MAP2K5: variants seen among roughly 807,000 people sequenced by gnomAD.
MAP2K5 encodes dual specificity mitogen-activated protein kinase kinase 5.
A neutral mutation model predicts 83.1 loss-of-function variants in MAP2K5; 49 were observed. The ratio of observed to expected loss-of-function variants is 0.59; its 90% CI spans 0.47 to 0.75. The LOEUF (loss-of-function observed/expected upper bound fraction) is 0.75, where lower values mean the gene tolerates loss of function less well. MAP2K5 is among the 30% of genes least tolerant of loss of function. The pLI is 0.00. For missense variants in MAP2K5, 457 were observed against 557.5 expected (o/e 0.82, Z 1.82); for synonymous variants, 202 against 191.8 (o/e 1.05, Z -0.44).
In MAP2K5 at chr15:67,748,329, TGCC is replaced by T. The variant is rs2089648698; in HGVS notation, c.1101+73_1101+75del. ...TGGCTGCTTCCTTTGCATGCTTGAA[TGCC>T]TTGTTTTAAACTTAGCAAATTGCAT... On this transcript the variant is annotated intron_variant, in intron 18 of 21. Transcript: ENST00000178640. This position sits in a 1 kb window ranked among gnomAD's most constrained non-coding sequence, Gnocchi z 4.0. 1.8e-5 allele frequency: 24 copies of T among 1,314,070 alleles called. No individual in the cohort carries two copies. In the South Asian group the frequency reaches 2.9e-4, roughly 16 times the overall value. 81.4% of individuals were successfully genotyped at this position (1,314,070 alleles called of 1,614,324 possible).
chr15:67,628,717 G>A (rs1417358799), intron 8 of MAP2K5: 10 of 797,170 alleles, frequency 1.3e-5, no homozygotes, highest in African/African-American at 8.4e-5. Flanking sequence ...CCCTGTTAAA[G>A]CAAGAGATGG....
intron 11 of MAP2K5, among the ~76,000 whole-genome samples, chr15:67,648,846 T>C (rs2086894060): frequency 6.6e-6 from 1 of 152,210 alleles, no homozygotes; most frequent in African/African-American, 2.4e-5. Context: ...CCCGAGGTGC[T>C]GGGATTACAG....
At chr15:67,621,515 A>C (rs796852195) in intron 8 of MAP2K5, among the ~76,000 whole-genome samples, 6 of 152,078 alleles carry the variant, frequency 3.9e-5, no homozygotes, top group African/African-American at 1.2e-4. Flanking sequence ...GGTTCTTTGG[A>C]AAAACTTAAT....
At position 67,783,584 on chromosome 15, in the gene MAP2K5, C is replaced by T. The variant is rs1316921373; in HGVS notation, c.1242+10832C>T. On this transcript the variant is annotated intron_variant, in intron 21 of 21. Coordinates refer to ENST00000178640, the MANE Select transcript of MAP2K5 (RefSeq NM_145160.3). This position sits in a 1 kb window ranked among gnomAD's most constrained non-coding sequence, Gnocchi z 5.1. ...AATACTTCTGTTAGTGCACTCGTCA[C>T]GCTTTGTGGCAGTAACTTGTGGTAA... is the stretch of plus-strand genomic sequence containing the variant. Among the ~76,000 whole-genome samples, 2 of 152,190 alleles carry T rather than the reference C, an allele frequency of 1.3e-5. No individual in the cohort carries two copies. The highest frequency in any genetic ancestry group is 1.3e-4 in the Admixed American group (2 of 15,278).
In MAP2K5 at chr15:67,693,543, A is replaced by G; in HGVS notation, c.947A>G (p.Tyr316Cys). 1 of 1,612,178 alleles carries G rather than the reference A, an allele frequency of 6.2e-7. No homozygotes were observed. The highest frequency in any genetic ancestry group is 1.3e-5 in the African/African-American group (1 of 74,984). Residue 316 changes from tyrosine to cysteine, a missense_variant, in exon 15 of 22, where the codon TAT (tyrosine) becomes TGT (cysteine). Transcript: ENST00000178640. ...TQLVNSIAKT[Y>C]VGTNAYMAPE... is the part of the protein sequence containing the mutation. ...CTGGTGAATTCTATAGCCAAGACGT[A>G]TGTTGGAACAAATGCTTATATGGCG...
chr15:67,614,523 T>C (rs1479141016), intron 8 of MAP2K5, among the ~76,000 whole-genome samples: 1 of 152,210 alleles, frequency 6.6e-6, no homozygotes, highest in South Asian at 2.1e-4. Context: ...TCCAGTTCTT[T>C]CATTCCTTCT....
rs559289229 is a variant in MAP2K5 at position 67,557,992 on chromosome 15, G to T, written c.185-5291G>T. 2.0e-5 allele frequency among the ~76,000 whole-genome samples: 3 copies of T among 152,268 alleles called. No individual in the cohort carries two copies. The East Asian group carries it at 5.8e-4, about 29-fold the overall frequency. ...GAGTTAATTATGCATCCTAGAATTTGGGGCAAAATAAGAGAGCTTTAATTT... is the reference window on the plus strand; with the variant it reads ...GAGTTAATTATGCATCCTAGAATTTTGGGCAAAATAAGAGAGCTTTAATTT... On this transcript the variant is annotated intron_variant, in intron 2 of 21. Transcript: ENST00000178640.
In MAP2K5 at chr15:67,755,090, T is replaced by G. The variant is rs2089806474; in HGVS notation, c.1134+6489T>G. On this transcript the variant is annotated intron_variant, in intron 19 of 21. Transcript: ENST00000178640. This position sits in a 1 kb window ranked among gnomAD's most constrained non-coding sequence, Gnocchi z 4.7. ...CCTGGGTTCATGCAATCCTCCCACC[T>G]CAGCCTCCCAAGTAACTAGGATTAC... is the stretch of plus-strand genomic sequence containing the variant. Among the ~76,000 whole-genome samples, 1 of 152,136 alleles carries G rather than the reference T, an allele frequency of 6.6e-6. No homozygotes were observed. The highest frequency in any genetic ancestry group is 1.5e-5 in the Non-Finnish European group (1 of 68,008).
At chr15:67,634,891 G>A (rs1430703625) in intron 9 of MAP2K5, among the ~76,000 whole-genome samples, 1 of 152,008 alleles carries the variant, frequency 6.6e-6, no homozygotes, top group Non-Finnish European at 1.5e-5. Context: ...AGAGTATTGA[G>A]ACTATTTACA....
rs2089692272 is a variant in MAP2K5, at chr15:67,750,413, A to G, written c.1134+1812A>G. On this transcript the variant is annotated intron_variant, in intron 19 of 21. Coordinates refer to ENST00000178640, the MANE Select transcript of MAP2K5 (RefSeq NM_145160.3). This position sits in a 1 kb window ranked among gnomAD's most constrained non-coding sequence, Gnocchi z 4.2. ...GGCCAGATGACCTGCCTTAGACAAGATGAATCATAGCATCTCGGAAAGGAA... is the reference window on the plus strand; with the variant it reads ...GGCCAGATGACCTGCCTTAGACAAGGTGAATCATAGCATCTCGGAAAGGAA... Among the ~76,000 whole-genome samples the G allele has an allele frequency of 6.6e-6, 1 of 152,224 alleles. No individual in the cohort carries two copies. Among genetic ancestry groups the G allele is most frequent in the African/African-American group, 2.4e-5 (1 of 41,460 alleles).
At chr15:67,589,339 C>T (rs1041179564) in intron 6 of MAP2K5, among the ~76,000 whole-genome samples, 4 of 152,190 alleles carry the variant, frequency 2.6e-5, no homozygotes, top group Non-Finnish European at 5.9e-5. Context: ...CTATTACTCT[C>T]AAAGCATGGG....
chr15:67,557,864 A>G (rs1317702883), intron 2 of MAP2K5, among the ~76,000 whole-genome samples: 3 of 152,230 alleles, frequency 2.0e-5, no homozygotes, highest in South Asian at 2.1e-4. Context: ...AAACTATTGT[A>G]TATGTAAAAA....
Position 67,550,138 on chromosome 15 carries a change from G to A in MAP2K5, c.184+56G>A, listed in dbSNP as rs1428628957. 1.0e-5 allele frequency: 14 copies of A among 1,369,612 alleles called. No individual in the cohort carries two copies. In the East Asian group the frequency reaches 3.2e-4, roughly 31 times the overall value. 84.8% of individuals were successfully genotyped at this position (1,369,612 alleles called of 1,614,324 possible). On this transcript the variant is annotated intron_variant, in intron 2 of 21. Coordinates refer to ENST00000178640, the MANE Select transcript of MAP2K5 (RefSeq NM_145160.3). ...TTCCTTTCTGCAGTCATTTTTTAAA[G>A]GGTTTATGGGTGGCATTACTTTAGA... is the stretch of plus-strand genomic sequence containing the variant.
chr15:67,629,436 A>G (rs1281322785), intron 8 of MAP2K5, among the ~76,000 whole-genome samples: 1 of 151,834 alleles, frequency 6.6e-6, no homozygotes, highest in Non-Finnish European at 1.5e-5. Flanking sequence ...TAAATGCAAT[A>G]GTCTGATCAT....
At chr15:67,549,154 T>C in intron 1 of MAP2K5, 1 of 1,535,610 alleles carries the variant, frequency 6.5e-7, no homozygotes, top group Non-Finnish European at 8.7e-7. Flanking sequence ...GAAATGAGGT[T>C]TGCAGGCCAT....
At position 67,774,660 on chromosome 15, in the gene MAP2K5, T is replaced by C. The variant is rs552633937; in HGVS notation, c.1242+1908T>C. 6.6e-6 allele frequency among the ~76,000 whole-genome samples: 1 copy of C among 152,340 alleles called. No homozygotes were observed. The highest frequency in any genetic ancestry group is 6.5e-5 in the Admixed American group (1 of 15,302). ...CATATTAATGGCTTTAATTTTTCCT[T>C]TTCTCTTCCCACCTACAACCTATTT... On this transcript the variant is annotated intron_variant, in intron 21 of 21. Transcript: ENST00000178640. The surrounding 1 kb of genome is among the most constrained non-coding windows in gnomAD (Gnocchi z 4.9).
chr15:67,775,315 G>A lies in MAP2K5; in HGVS notation c.1242+2563G>A, dbSNP rs1395854184. 1.3e-5 allele frequency among the ~76,000 whole-genome samples: 2 copies of A among 151,998 alleles called. No individual in the cohort carries two copies. The highest frequency in any genetic ancestry group is 2.1e-4 in the South Asian group (1 of 4,826). On this transcript the variant is annotated intron_variant, in intron 21 of 21. Coordinates refer to ENST00000178640, the MANE Select transcript of MAP2K5 (RefSeq NM_145160.3). The surrounding 1 kb of genome is among the most constrained non-coding windows in gnomAD (Gnocchi z 5.3). ...TATGGTTGTTCTTATGATGGTTTTCGGTCTTTATATCCTAAGTGGAAGTAT... is the reference window on the plus strand; with the variant it reads ...TATGGTTGTTCTTATGATGGTTTTCAGTCTTTATATCCTAAGTGGAAGTAT...
intron 16 of MAP2K5, among the ~76,000 whole-genome samples, chr15:67,721,515 G>A (rs2088959793): frequency 2.0e-5 from 3 of 152,168 alleles, no homozygotes; most frequent in Admixed American, 2.0e-4. Flanking sequence ...TATTTGCTGT[G>A]GCTCACCCAC....
intron 17 of MAP2K5, among the ~76,000 whole-genome samples, chr15:67,739,310 A>G (rs1385044842): frequency 1.3e-5 from 2 of 149,504 alleles, no homozygotes; most frequent in Non-Finnish European, 3.0e-5. Flanking sequence ...AAAGTAAGTC[A>G]AACTTTATCC....
Sources: gnomAD v4.1 joint callset for allele counts (sites outside exome capture counted in the v4.1 genomes callset) on GRCh38, gnomAD v4.1.1 for gene constraint, Gnocchi (gnomAD v3.1) non-coding constraint, MANE v1.5 for transcripts, NCBI Gene and HGNC (gene_info 2026-07-23, HGNC 2026-07-21) for gene names.